The following MIA3 variants were observed in gnomAD, a reference collection of about 807,000 sequenced individuals.
MIA3 encodes the protein MIA SH3 domain ER export factor 3.
A neutral mutation model predicts 192.4 loss-of-function variants in MIA3; 90 were observed. The observed-to-expected ratio is 0.47, with a 90% CI of 0.39 to 0.56. MIA3 has a LOEUF of 0.56. Among genes scored for constraint, MIA3 ranks in the 20% least tolerant of loss-of-function variants. The probability of loss-of-function intolerance (pLI) is 0.00; values close to 1 mark genes in which losing one functional copy is unlikely to be tolerated. For synonymous variants in MIA3, 740 were observed against 792.8 expected (o/e 0.93, Z 1.12); for missense variants, 2,123 against 2,269.4 (o/e 0.94, Z 1.31).
chr1:222,644,296 G>T, intron 6 of MIA3: 1 of 1,417,388 alleles, frequency 7.1e-7, no homozygotes. Flanking sequence ...CAGGGGCAGT[G>T]GCTGATGACG....
At chr1:222,643,681 C>T (rs987082605) in intron 6 of MIA3, among the ~76,000 whole-genome samples, 5 of 152,006 alleles carry the variant, frequency 3.3e-5, no homozygotes, top group Non-Finnish European at 7.4e-5. Flanking sequence ...AAGATGTGGC[C>T]GGACACTTGT....
At chr1:222,646,042 C>T (rs1663124979) in intron 7 of MIA3, 2 of 187,860 alleles carry the variant, frequency 1.1e-5, no homozygotes, top group South Asian at 1.8e-4. Flanking sequence ...AAAATAGTTT[C>T]ATGATGTGTA....
At position 222,663,935 on chromosome 1, in the gene MIA3, G is replaced by A. The variant is rs146370280; in HGVS notation, c.5263-63G>A. 8.8e-5 allele frequency: 129 copies of A among 1,464,010 alleles called. 1 individual carries two copies. The East Asian group carries it at 2.5e-3, about 29-fold the overall frequency. The allele number at this position is 1,464,010 out of a possible 1,614,324, so 90.7% of individuals were successfully genotyped here. On this transcript the variant is annotated intron_variant, in intron 26 of 27. Coordinates refer to ENST00000344922, the MANE Select transcript of MIA3 (RefSeq NM_198551.4). Reference sequence around the variant, plus strand: ...CTTCATTGGGTTTTAGTTTTTACTGGTGTTGGTGCTTTTGTCTGTCATACC... The same window carrying A: ...CTTCATTGGGTTTTAGTTTTTACTGATGTTGGTGCTTTTGTCTGTCATACC...
chr1:222,655,962 C>CTTTTTTTTT (rs1283360501), intron 18 of MIA3, among the ~76,000 whole-genome samples: 11 of 71,252 alleles, frequency 1.5e-4, no homozygotes, highest in Non-Finnish European at 2.5e-4. Context: ...ACTTTCTTTC[C>CTTTTTTTTT]CTTTTTTTTT....
intron 26 of MIA3, 36 bp from the exon 27 acceptor site, chr1:222,663,962 T>C (rs757790153): frequency 1.7e-5 from 27 of 1,581,350 alleles, no homozygotes; most frequent in Admixed American, 7.2e-5. Context: ...TGTCATACCA[T>C]AGTATTTCAA....
intron 24 of MIA3, among the ~76,000 whole-genome samples, 197 bp from the exon 25 acceptor site, chr1:222,661,859 A>G (rs1485198043): frequency 6.6e-6 from 1 of 152,154 alleles, no homozygotes; most frequent in East Asian, 1.9e-4. Context: ...TGCAGGGTTT[A>G]TTGTTCTTTC....
intron 15 of MIA3, 131 bp downstream of exon 15, chr1:222,653,470 C>T (rs961832289): frequency 1.9e-5 from 12 of 643,936 alleles, no homozygotes; most frequent in Non-Finnish European, 2.8e-5. Context: ...GAATGTGTGT[C>T]TGTTTGCATT....
chr1:222,645,435 G>T, intron 6 of MIA3, 119 bp from the exon 7 acceptor site: 1 of 818,754 alleles, frequency 1.2e-6, no homozygotes, highest in Non-Finnish European at 1.9e-6. Flanking sequence ...GAAGATTTTT[G>T]AGGGGATAGG....
Position 222,665,413 on chromosome 1 carries a change from G to A in MIA3, c.5518G>A (p.Ala1840Thr), listed in dbSNP as rs771401583. The A allele has an allele frequency of 1.5e-5, 24 of 1,613,778 alleles. No homozygotes were observed. The highest frequency in any genetic ancestry group is 8.3e-5 in the Admixed American group (5 of 59,970). The stretch of plus-strand genomic sequence containing the variant: ...CCCTCGGGGATTTTTACCTGGACAC[G>A]CACCATTTAGACCTTTAGGTTCACT... ...LHPRGFLPGH[A>T]PFRPLGSLGP... is the part of the protein sequence containing the mutation. Residue 1840 changes from alanine to threonine, a missense_variant, in exon 28 of 28, where the codon GCA (alanine) becomes ACA (threonine). This residue lies in a region of MIA3 where 762 missense variants were observed against 856.4 expected (regional missense o/e 0.89). Coordinates refer to ENST00000344922, the MANE Select transcript of MIA3 (RefSeq NM_198551.4).
intron 2 of MIA3, 95 bp from the exon 3 acceptor site, chr1:222,624,673 T>C: frequency 1.5e-6 from 1 of 662,216 alleles, no homozygotes; most frequent in Non-Finnish European, 2.8e-6. Context: ...GATTGCTTGA[T>C]ATGTGCTGTA....
intron 18 of MIA3, 105 bp from the exon 19 acceptor site, chr1:222,658,617 T>A: frequency 1.3e-6 from 1 of 759,126 alleles, no homozygotes; most frequent in Non-Finnish European, 2.1e-6. Context: ...GTATAATCTA[T>A]GCATTTTTAA....
chr1:222,644,550 T>C, intron 6 of MIA3: 1 of 1,550,644 alleles, frequency 6.4e-7, no homozygotes, highest in Middle Eastern at 1.7e-4. Flanking sequence ...GACCCTTGTC[T>C]GTGCTCTACG....
intron 18 of MIA3, among the ~76,000 whole-genome samples, chr1:222,656,471 C>T (rs1261375239): frequency 6.6e-6 from 1 of 152,068 alleles, no homozygotes; most frequent in Admixed American, 6.5e-5. Flanking sequence ...TTTCTCTTTT[C>T]TCTTTTTTCA....
At chr1:222,644,871 C>T (rs541937636) in intron 6 of MIA3, among the ~76,000 whole-genome samples, 2 of 151,984 alleles carry the variant, frequency 1.3e-5, no homozygotes, top group South Asian at 2.1e-4. Flanking sequence ...GTCTTTTCTG[C>T]ATAACCCCCG....
Position 222,660,013 on chromosome 1 carries a change from G to C in MIA3, c.4975+7G>C, listed in dbSNP as rs778283421. ...CAAAACCCTCCACGGAGAGGTAAGG[G>C]AGCTACCTTGTAAAGGGCAACAATC... On this transcript the variant is annotated splice_region_variant and intron_variant, in intron 23 of 27. Coordinates refer to ENST00000344922, the MANE Select transcript of MIA3 (RefSeq NM_198551.4). The C allele has an allele frequency of 2.1e-5, 33 of 1,606,148 alleles. No homozygotes were observed. The South Asian group carries it at 2.7e-4, about 13-fold the overall frequency.
chr1:222,647,944 C>A, intron 7 of MIA3: 1 of 379,984 alleles, frequency 2.6e-6, no homozygotes, highest in Non-Finnish European at 5.5e-6. Flanking sequence ...TACAGTAATA[C>A]AGTATATTAT....
At position 222,650,187 on chromosome 1, in the gene MIA3, A is replaced by G. The variant is rs17465637; in HGVS notation, c.3632-105A>G. 1 of 737,478 alleles carries G rather than the reference A, an allele frequency of 1.4e-6. No individual in the cohort carries two copies. Among genetic ancestry groups the G allele is most frequent in the Admixed American group, 2.0e-5 (1 of 49,252 alleles). The allele number at this position is 737,478 out of a possible 1,614,324, so 45.7% of individuals were successfully genotyped here. The stretch of plus-strand genomic sequence containing the variant: ...ACCATAATAGTTATGCTGAGAAGTT[A>G]TTTTTTGTCATAGTGCAAGATAACA... On this transcript the variant is annotated intron_variant, in intron 8 of 27. Coordinates refer to ENST00000344922, the MANE Select transcript of MIA3 (RefSeq NM_198551.4).
At chr1:222,623,052 T>A (rs1661947052) in intron 2 of MIA3, among the ~76,000 whole-genome samples, 1 of 152,050 alleles carries the variant, frequency 6.6e-6, no homozygotes, top group South Asian at 2.1e-4. Context: ...ATGGAAAGGC[T>A]CATGCCTTAT....
chr1:222,627,378 A>G (rs1662165900), intron 3 of MIA3, among the ~76,000 whole-genome samples, 197 bp from the exon 4 acceptor site: 1 of 152,192 alleles, frequency 6.6e-6, no homozygotes, highest in Non-Finnish European at 1.5e-5. Context: ...GGAAGCCAGG[A>G]GTATTACTCA....
Sources: allele counts gnomAD v4.1 joint callset (sites outside exome capture counted in the v4.1 genomes callset), GRCh38; gene constraint gnomAD v4.1.1; regional missense constraint gnomAD v4.1.1; transcripts MANE v1.5; gene names NCBI Gene and HGNC (gene_info 2026-07-23, HGNC 2026-07-21).